The following SULF1 variants were observed in gnomAD, a reference collection of about 807,000 sequenced individuals.
SULF1 encodes the protein extracellular sulfatase Sulf-1.
A neutral mutation model predicts 110.5 loss-of-function variants in SULF1; 46 were observed. The ratio of observed to expected loss-of-function variants is 0.42; its 90% CI spans 0.33 to 0.53. The LOEUF (loss-of-function observed/expected upper bound fraction) is 0.53. SULF1 is among the 20% of genes least tolerant of loss of function. SULF1 has a pLI of 0.12. For missense variants in SULF1, 941 were observed against 1,094.2 expected (o/e 0.86, Z 1.98); for synonymous variants, 371 against 387.1 (o/e 0.96, Z 0.49).
At chr8:69,520,454 G>C (rs939530596) in intron 3 of SULF1, among the ~76,000 whole-genome samples, 1 of 152,006 alleles carries the variant, frequency 6.6e-6, no homozygotes, top group Non-Finnish European at 1.5e-5. Context: ...ATAATAATTT[G>C]ATCTCCACAT....
chr8:69,511,922 T>G (rs1811592968), intron 3 of SULF1, among the ~76,000 whole-genome samples: 2 of 152,188 alleles, frequency 1.3e-5, no homozygotes, highest in Non-Finnish European at 2.9e-5. Flanking sequence ...GGTTAAACAC[T>G]GCACAGAATA....
Position 69,658,934 on chromosome 8 carries a change from A to T in SULF1, c.*399A>T, listed in dbSNP as rs1297323012. On this transcript the variant is annotated 3_prime_UTR_variant, in exon 23 of 23. Transcript: ENST00000402687. ...CTTGAATGGAATAACGACATTCCAG[A>T]AGTTAATCATTTGAATTCTGAACAC... 6.5e-6 allele frequency: 3 copies of T among 464,234 alleles called. No individual in the cohort carries two copies. Among genetic ancestry groups the T allele is most frequent in the Non-Finnish European group, 1.3e-5 (3 of 231,994 alleles). The allele number at this position is 464,234 out of a possible 1,614,324, so 28.8% of individuals were successfully genotyped here.
chr8:69,621,694 A>G (rs1285745003), intron 14 of SULF1, among the ~76,000 whole-genome samples: 1 of 152,250 alleles, frequency 6.6e-6, no homozygotes, highest in African/African-American at 2.4e-5. Context: ...TTTAAGGCAT[A>G]TATTTTAATC....
At chr8:69,582,592 G>A (rs909691310) in intron 6 of SULF1, among the ~76,000 whole-genome samples, 4 of 151,368 alleles carry the variant, frequency 2.6e-5, no homozygotes, top group African/African-American at 9.7e-5. Flanking sequence ...CTTGCATGTA[G>A]ATGGATACCC....
chr8:69,627,355 G>C, intron 16 of SULF1, 49 bp downstream of exon 16: 1 of 1,431,692 alleles, frequency 7.0e-7, no homozygotes, highest in Non-Finnish European at 9.8e-7. Flanking sequence ...CTCAAACTCG[G>C]CCTGCCAGCC....
rs534989252 is a variant in SULF1, at chr8:69,533,559, C to A, written c.-133-29980C>A. Among the ~76,000 whole-genome samples, 18 of 152,256 alleles carry A rather than the reference C, an allele frequency of 1.2e-4. No homozygotes were observed. The South Asian group carries it at 3.7e-3, about 32-fold the overall frequency. Reference sequence around the variant, plus strand: ...GAGGATAATGGCTTCCAGCTCCATCCGTGTCCCTGCAAAGGACGTGATCTC... The same window carrying A: ...GAGGATAATGGCTTCCAGCTCCATCAGTGTCCCTGCAAAGGACGTGATCTC... On this transcript the variant is annotated intron_variant, in intron 3 of 22. Coordinates refer to ENST00000402687, the MANE Select transcript of SULF1 (RefSeq NM_001128205.2).
chr8:69,537,414 G>A lies in SULF1; in HGVS notation c.-133-26125G>A, dbSNP rs1813498607. 1.3e-5 allele frequency among the ~76,000 whole-genome samples: 2 copies of A among 152,148 alleles called. 1 individual carries two copies. Among genetic ancestry groups the A allele is most frequent in the African/African-American group, 4.8e-5 (2 of 41,406 alleles). ...CCTTGTCTTCTATGAAATAGAGTTC[G>A]ATTGCCAGAAACTGTCATTAAATAT... On this transcript the variant is annotated intron_variant, in intron 3 of 22. Transcript: ENST00000402687.
At chr8:69,592,940 A>T (rs1308572303) in intron 8 of SULF1, 2 of 987,422 alleles carry the variant, frequency 2.0e-6, no homozygotes, top group Admixed American at 6.1e-5. Context: ...GTAAGGACCA[A>T]TCTGGACTGT....
At chr8:69,479,366 T>C (rs906316411) in intron 1 of SULF1, among the ~76,000 whole-genome samples, 2 of 152,220 alleles carry the variant, frequency 1.3e-5, no homozygotes, top group African/African-American at 4.8e-5. Flanking sequence ...TAGCATAAAT[T>C]AAAACACCCT....
intron 8 of SULF1, among the ~76,000 whole-genome samples, chr8:69,590,977 C>T (rs1306937609): frequency 6.6e-6 from 1 of 152,152 alleles, no homozygotes; most frequent in Non-Finnish European, 1.5e-5. Flanking sequence ...ATCACTTTAC[C>T]TATCTTTGTT....
At chr8:69,472,207 C>G (rs1331238958) in intron 1 of SULF1, among the ~76,000 whole-genome samples, 2 of 152,200 alleles carry the variant, frequency 1.3e-5, no homozygotes, top group African/African-American at 4.8e-5. Flanking sequence ...AGGACCCCAT[C>G]CCTGTACCAT....
chr8:69,609,213 G>A (rs1203752349), intron 13 of SULF1, among the ~76,000 whole-genome samples: 1 of 152,188 alleles, frequency 6.6e-6, no homozygotes, highest in Non-Finnish European at 1.5e-5. Flanking sequence ...AGGCGTGGTG[G>A]TGTGTGCCTG....
At chr8:69,511,867 C>T (rs1811588090) in intron 3 of SULF1, among the ~76,000 whole-genome samples, 2 of 152,160 alleles carry the variant, frequency 1.3e-5, no homozygotes, top group Non-Finnish European at 2.9e-5. Context: ...ACAGCTACAA[C>T]TATAATTAGC....
intron 3 of SULF1, among the ~76,000 whole-genome samples, chr8:69,554,162 C>T (rs1814920764): frequency 6.6e-6 from 1 of 152,110 alleles, no homozygotes. Context: ...CTTGCATATG[C>T]TGAGAAATGA....
intron 8 of SULF1, among the ~76,000 whole-genome samples, chr8:69,596,525 G>T (rs1807344755): frequency 6.6e-6 from 1 of 152,148 alleles, no homozygotes; most frequent in Non-Finnish European, 1.5e-5. Flanking sequence ...AGCAGAAGCA[G>T]CTGGTATTTT....
intron 3 of SULF1, among the ~76,000 whole-genome samples, chr8:69,527,687 T>C (rs78272390): frequency 0.014 from 2,109 of 152,234 alleles, 21 homozygotes; most frequent in Middle Eastern, 0.034. Context: ...GAACAAAAAA[T>C]AAACAACCCT....
At position 69,638,856 on chromosome 8, in the gene SULF1, T is replaced by C. The variant is rs143009161; in HGVS notation, c.2549T>C (p.Val850Ala). Residue 850 changes from valine to alanine, a missense_variant and splice_region_variant, in exon 21 of 23, where the codon GTT (valine) becomes GCT (alanine). Val to Ala is a moderately conservative substitution (Grantham distance 64). Around this residue, in one of 3 missense-constraint regions of SULF1, gnomAD observed 112 missense variants for 133.5 expected, o/e 0.84. Transcript: ENST00000402687. The stretch of plus-strand genomic sequence containing the variant: ...AACCCAAGACCTAAGAATCTTGATG[T>C]TGGTAAGGAAAAAAATACTATTTTT... ...QCNPRPKNLD[V>A]GNKDGGSYDL... 1.1e-5 allele frequency: 17 copies of C among 1,601,848 alleles called. No individual in the cohort carries two copies. Among genetic ancestry groups the C allele is most frequent in the Non-Finnish European group, 1.4e-5 (16 of 1,176,978 alleles).
At chr8:69,511,558 T>G (rs534107898) in intron 3 of SULF1, among the ~76,000 whole-genome samples, 1 of 152,220 alleles carries the variant, frequency 6.6e-6, no homozygotes, top group African/African-American at 2.4e-5. Flanking sequence ...TGAGACTTAA[T>G]TTTTTAGAGC....
chr8:69,552,993 C>T (rs1016000355), intron 3 of SULF1, among the ~76,000 whole-genome samples: 2 of 152,206 alleles, frequency 1.3e-5, no homozygotes, highest in Admixed American at 6.5e-5. Flanking sequence ...GGACACTATT[C>T]ACTGATGAGT....
Sources: gnomAD v4.1 joint callset for allele counts (sites outside exome capture counted in the v4.1 genomes callset) on GRCh38, gnomAD v4.1.1 for gene constraint, gnomAD v4.1.1 regional missense constraint, MANE v1.5 for transcripts, NCBI Gene and HGNC (gene_info 2026-07-23, HGNC 2026-07-21) for gene names.